Variants in SMIM24 observed in about 807,000 individuals in gnomAD.
SMIM24 encodes the protein small integral membrane protein 24.
A neutral mutation model predicts 10.8 loss-of-function variants in SMIM24; 6 were observed. The ratio of observed to expected loss-of-function variants is 0.55; its 90% CI spans 0.30 to 1.09. The LOEUF (loss-of-function observed/expected upper bound fraction) is 1.09, where lower values mean the gene tolerates loss of function less well. Ranked by LOEUF, SMIM24 falls within the 50% of genes least tolerant of loss-of-function variation. The pLI, the probability that SMIM24 is intolerant of heterozygous loss-of-function variation, is 0.06. For missense variants in SMIM24, 151 were observed against 153.4 expected (o/e 0.98, Z 0.08); for synonymous variants, 71 against 62.4 (o/e 1.14, Z -0.65).
chr19:3,474,923 C>G lies in SMIM24; in HGVS notation c.313G>C (p.Glu105Gln). Residue 105 changes from glutamate to glutamine, a missense_variant, in exon 4 of 4, where the codon GAA (glutamate) becomes CAA (glutamine). Transcript: ENST00000215531. ...KRKKEKKTAKEGESNLGLDLE... is the reference protein window; with the variant it reads ...KRKKEKKTAKQGESNLGLDLE... ...TCCAGTCCCAAGTTGCTCTCTCCTT[C>G]CTTTGCTGTCTTTTTCTCCTTCTTC... The G allele has an allele frequency of 6.4e-7, 1 of 1,551,714 alleles. No individual in the cohort carries two copies. The highest frequency in any genetic ancestry group is 8.7e-7 in the Non-Finnish European group (1 of 1,147,002).
rs1431562949 is a variant in SMIM24 at position 3,478,818 on chromosome 19, C to T, written c.179G>A (p.Arg60Lys). 7 of 1,547,890 alleles carry T rather than the reference C, an allele frequency of 4.5e-6. No homozygotes were observed. In the African/African-American group the frequency reaches 5.5e-5, roughly 12 times the overall value. Residue 60 changes from arginine (R) to lysine (K), a missense_variant and splice_region_variant, in exon 2 of 4, where the codon AGG becomes AAG. Arg to Lys is a conservative substitution (Grantham distance 26). Transcript: ENST00000215531. ...CAGCGGGGTGGGGGCGGGCACCCAC[C>T]TGGCCTTGGAACACCAGAGGCGGTT... ...LANRLWCSKA[R>K]AEDEEETTFR...
At position 3,476,806 on chromosome 19, in the gene SMIM24, C is replaced by A. The variant is rs555746412; in HGVS notation, c.239+1613G>T. On this transcript the variant is annotated intron_variant, in intron 3 of 3. Coordinates refer to ENST00000215531, the MANE Select transcript of SMIM24 (RefSeq NM_001136503.2). ...GATAAATGGGTAGGTGGATGGATGG[C>A]TGTGTGGGTGGATGAATGAGTGAAT... is the stretch of plus-strand genomic sequence containing the variant. 2.5e-4 allele frequency among the ~76,000 whole-genome samples: 32 copies of A among 128,258 alleles called. No individual in the cohort carries two copies. In the East Asian group the frequency reaches 7.5e-3, roughly 30 times the overall value. The allele number at this position is 128,258 out of a possible 152,430, so 84.1% of individuals were successfully genotyped here.
chr19:3,478,814 C>A lies in SMIM24; in HGVS notation c.179+4G>T. The A allele has an allele frequency of 6.5e-7, 1 of 1,546,830 alleles. No homozygotes were observed. The highest frequency in any genetic ancestry group is 8.7e-7 in the Non-Finnish European group (1 of 1,145,164). On this transcript the variant is annotated splice_donor_region_variant and intron_variant, in intron 2 of 3. Coordinates refer to ENST00000215531, the MANE Select transcript of SMIM24 (RefSeq NM_001136503.2). ...GGGGCAGCGGGGTGGGGGCGGGCAC[C>A]CACCTGGCCTTGGAACACCAGAGGC...
chr19:3,479,822 T>G lies in SMIM24; in HGVS notation c.67+575A>C, dbSNP rs1380836906. 2.6e-4 allele frequency among the ~76,000 whole-genome samples: 24 copies of G among 92,596 alleles called. No homozygotes were observed. In the Admixed American group the frequency reaches 3.1e-3, roughly 12 times the overall value. The allele number at this position is 92,596 out of a possible 152,430, so 60.7% of individuals were successfully genotyped here. On this transcript the variant is annotated intron_variant, in intron 1 of 3. Transcript: ENST00000215531. ...GAGGGGCTTACAGAGGAGGAGGGACTCGGGGAGGGGTTTATAAAGGAGGGA... is the reference window on the plus strand; with the variant it reads ...GAGGGGCTTACAGAGGAGGAGGGACGCGGGGAGGGGTTTATAAAGGAGGGA...
chr19:3,475,683 G>A (rs1209564787), intron 3 of SMIM24, among the ~76,000 whole-genome samples: 1 of 151,646 alleles, frequency 6.6e-6, no homozygotes, highest in Admixed American at 6.6e-5. Context: ...TTGATGGGTG[G>A]GTGGGTGGAT....
At chr19:3,480,008 G>C (rs1275243653) in intron 1 of SMIM24, among the ~76,000 whole-genome samples, 1 of 151,060 alleles carries the variant, frequency 6.6e-6, no homozygotes, top group Middle Eastern at 3.4e-3. Flanking sequence ...TTACAGAGGA[G>C]GAGGGGCTCG....
In SMIM24 at chr19:3,474,754, A is replaced by G; in HGVS notation, c.*89T>C. The stretch of plus-strand genomic sequence containing the variant: ...TGTATTCTGAATCCCAGATGGAGTC[A>G]TTTCACGGGCTTCAAGTCCAGGGCA... On this transcript the variant is annotated 3_prime_UTR_variant, in exon 4 of 4. Coordinates refer to ENST00000215531, the MANE Select transcript of SMIM24 (RefSeq NM_001136503.2). The G allele has an allele frequency of 6.9e-7, 1 of 1,445,170 alleles. No homozygotes were observed. Among genetic ancestry groups the G allele is most frequent in the Non-Finnish European group, 9.2e-7 (1 of 1,088,358 alleles). The allele number at this position is 1,445,170 out of a possible 1,614,324, so 89.5% of individuals were successfully genotyped here.
intron 3 of SMIM24, among the ~76,000 whole-genome samples, chr19:3,477,478 G>C (rs2082798183): frequency 6.7e-6 from 1 of 148,608 alleles, no homozygotes; most frequent in African/African-American, 2.5e-5. Context: ...GTGATGAATG[G>C]ATGATGGATG....
intron 2 of SMIM24, 61 bp downstream of exon 2, chr19:3,478,757 G>T: frequency 7.6e-7 from 1 of 1,308,158 alleles, no homozygotes; most frequent in African/African-American, 1.5e-5. Flanking sequence ...ACCAGAGAGG[G>T]TTGGGAAGCT....
chr19:3,477,301 TG>T (rs2122020185), intron 3 of SMIM24, among the ~76,000 whole-genome samples: 1 of 107,788 alleles, frequency 9.3e-6, no homozygotes, highest in African/African-American at 3.8e-5. Context: ...GATGGATGGA[TG>T]GATGATAGAC....
intron 3 of SMIM24, 91 bp from the exon 4 acceptor site, chr19:3,475,087 A>G (rs1253332856): frequency 1.5e-6 from 2 of 1,373,674 alleles, no homozygotes; most frequent in Admixed American, 2.4e-5. Flanking sequence ...TGTGATGAGT[A>G]TTTTACAAGC....
intron 3 of SMIM24, among the ~76,000 whole-genome samples, chr19:3,477,913 T>C (rs781342341): frequency 6.6e-6 from 1 of 151,908 alleles, no homozygotes; most frequent in Non-Finnish European, 1.5e-5. Context: ...CCCTGAGTCC[T>C]CTGTGGGAAT....
chr19:3,477,520 T>C (rs1179416098), intron 3 of SMIM24, among the ~76,000 whole-genome samples: 1 of 135,694 alleles, frequency 7.4e-6, no homozygotes, highest in Admixed American at 7.2e-5. Flanking sequence ...TGGTGGGTGA[T>C]GGATGGATGG....
At chr19:3,477,072 G>A (rs1252204317) in intron 3 of SMIM24, among the ~76,000 whole-genome samples, 1 of 135,580 alleles carries the variant, frequency 7.4e-6, no homozygotes, top group African/African-American at 2.7e-5. Context: ...TCGGGGGGTG[G>A]GTGAGTGAAT....
Position 3,478,409 on chromosome 19 carries a change from C to T in SMIM24, c.239+10G>A, listed in dbSNP as rs146333097. 3 of 1,548,034 alleles carry T rather than the reference C, an allele frequency of 1.9e-6. No individual in the cohort carries two copies. The East Asian group carries it at 7.4e-5, about 38-fold the overall frequency. Reference sequence around the variant, plus strand: ...TTCACACAGACCCCCAGCATCCGCACGCATAGTACCTCTGGTCCTGGTATA... The same window carrying T: ...TTCACACAGACCCCCAGCATCCGCATGCATAGTACCTCTGGTCCTGGTATA... On this transcript the variant is annotated intron_variant, in intron 3 of 3. Coordinates refer to ENST00000215531, the MANE Select transcript of SMIM24 (RefSeq NM_001136503.2).
chr19:3,480,505 G>C lies in SMIM24; in HGVS notation c.-42C>G. ...AGCAGCCAGCCAGCGGCGGTCCCGG[G>C]TCGGCGTCCACAGGTTTGGTGTGGG... On this transcript the variant is annotated 5_prime_UTR_variant, in exon 1 of 4. Coordinates refer to ENST00000215531, the MANE Select transcript of SMIM24 (RefSeq NM_001136503.2). The C allele has an allele frequency of 1.3e-6, 2 of 1,542,456 alleles. No homozygotes were observed. The highest frequency in any genetic ancestry group is 1.8e-6 in the Non-Finnish European group (2 of 1,141,292).
In SMIM24 at chr19:3,474,816, C is replaced by A. The variant is rs567936364; in HGVS notation, c.*27G>T. The A allele has an allele frequency of 1.3e-6, 2 of 1,547,522 alleles. No homozygotes were observed. The highest frequency in any genetic ancestry group is 1.7e-6 in the Non-Finnish European group (2 of 1,145,640). ...GGGCAGAAGAGGCATCTCTGGGGGA[C>A]TGCCTGGAAGAGGCAGCCAGGAATC... is the stretch of plus-strand genomic sequence containing the variant. On this transcript the variant is annotated 3_prime_UTR_variant, in exon 4 of 4. Coordinates refer to ENST00000215531, the MANE Select transcript of SMIM24 (RefSeq NM_001136503.2).
intron 3 of SMIM24, among the ~76,000 whole-genome samples, chr19:3,475,341 A>G (rs2082788186): frequency 6.6e-6 from 1 of 152,204 alleles, no homozygotes; most frequent in African/African-American, 2.4e-5. Context: ...GCATATCATC[A>G]TTGCAACTAA....
intron 3 of SMIM24, among the ~76,000 whole-genome samples, chr19:3,477,753 G>T (rs1318999979): frequency 7.4e-6 from 1 of 135,722 alleles, no homozygotes; most frequent in Non-Finnish European, 1.6e-5. Context: ...GGGTGAGTGG[G>T]TGGATGGGTG....
Sources: allele counts gnomAD v4.1 joint callset (sites outside exome capture counted in the v4.1 genomes callset), GRCh38; gene constraint gnomAD v4.1.1; transcripts MANE v1.5; gene names NCBI Gene and HGNC (gene_info 2026-07-23, HGNC 2026-07-21).